The following HDAC4 variants were observed in gnomAD, a reference collection of about 807,000 sequenced individuals.
HDAC4 encodes the protein histone deacetylase 4, also known as histone deacetylase A.
Under a neutral mutation model 135.1 loss-of-function variants are expected in HDAC4, and 16 were observed. That is an observed-to-expected ratio of 0.12 (90% CI 0.08 to 0.18). HDAC4 has a LOEUF of 0.18. Ranked by LOEUF, HDAC4 falls within the 10% of genes least tolerant of loss-of-function variation. The pLI is 1.00. For missense variants in HDAC4, 1,143 were observed against 1,511.8 expected, an observed-to-expected ratio of 0.76 and a Z score of 4.05; for synonymous variants, 685 against 653.4, an observed-to-expected ratio of 1.05 and a Z score of -0.74.
chr2:239,224,098 A>G (rs1251338952), intron 3 of HDAC4, among the ~76,000 whole-genome samples: 1 of 152,130 alleles, frequency 6.6e-6, no homozygotes, highest in Non-Finnish European at 1.5e-5. Context: ...CTCCACCCAC[A>G]TTCCCCATGA....
intron 1 of HDAC4, among the ~76,000 whole-genome samples, chr2:239,360,451 C>G (rs1693787246): frequency 6.6e-6 from 1 of 152,206 alleles, no homozygotes; most frequent in African/African-American, 2.4e-5. Context: ...GGCACCCTGC[C>G]TTCCTGCAGC....
At chr2:239,208,190 G>A (rs1288320250) in intron 3 of HDAC4, among the ~76,000 whole-genome samples, 5 of 151,480 alleles carry the variant, frequency 3.3e-5, no homozygotes, top group Non-Finnish European at 5.9e-5. Flanking sequence ...AGCCGGGTGC[G>A]GTCGTGGGTG....
chr2:239,273,475 C>T (rs1452997425), intron 2 of HDAC4, among the ~76,000 whole-genome samples: 1 of 152,200 alleles, frequency 6.6e-6, no homozygotes, highest in East Asian at 1.9e-4. Flanking sequence ...CACTTCCTCT[C>T]TGCAGAAGTC....
intron 19 of HDAC4, among the ~76,000 whole-genome samples, chr2:239,086,927 G>A (rs768954832): frequency 1.3e-5 from 2 of 152,110 alleles, no homozygotes; most frequent in Non-Finnish European, 2.9e-5. Flanking sequence ...GCTCTTTGAC[G>A]GGATAGATCA....
intron 2 of HDAC4, among the ~76,000 whole-genome samples, chr2:239,244,816 C>T (rs1559277618): frequency 1.3e-5 from 2 of 152,126 alleles, no homozygotes; most frequent in Admixed American, 1.3e-4. Context: ...CACTGTGCGG[C>T]CCACACCCTG....
chr2:239,110,989 C>T (rs143347482), intron 14 of HDAC4, among the ~76,000 whole-genome samples: 137 of 152,340 alleles, frequency 9.0e-4, no homozygotes, highest in Non-Finnish European at 1.6e-3. Context: ...GCTGGCAGAT[C>T]GCCTCCCCGG....
intron 5 of HDAC4, among the ~76,000 whole-genome samples, chr2:239,166,828 AAGG>A (rs1180694181): frequency 6.6e-6 from 1 of 152,234 alleles, no homozygotes; most frequent in African/African-American, 2.4e-5. Flanking sequence ...CGAATTTCAA[AAGG>A]AGAAGGCAAA....
intron 9 of HDAC4, among the ~76,000 whole-genome samples, chr2:239,137,816 G>A (rs758264735): frequency 1.3e-5 from 2 of 152,186 alleles, no homozygotes; most frequent in African/African-American, 4.8e-5. Context: ...AAGGCTGCCC[G>A]TGCCCACTCT....
chr2:239,298,808 A>G (rs1254371315), intron 2 of HDAC4, among the ~76,000 whole-genome samples: 1 of 151,138 alleles, frequency 6.6e-6, no homozygotes, highest in Non-Finnish European at 1.5e-5. Context: ...GATGAACAAC[A>G]TTATTTCCTC....
intron 2 of HDAC4, among the ~76,000 whole-genome samples, chr2:239,332,748 A>T (rs920708431): frequency 7.2e-5 from 11 of 151,984 alleles, no homozygotes; most frequent in East Asian, 5.8e-4. Flanking sequence ...TTATTTTTTT[A>T]AATTCAATTT....
chr2:239,400,719 G>A lies in HDAC4; in HGVS notation c.-220+259C>T, dbSNP rs1696924935. The A allele has an allele frequency of 6.9e-6, 1 of 145,136 alleles. No homozygotes were observed. The highest frequency in any genetic ancestry group is 1.5e-5 in the Non-Finnish European group (1 of 65,258). 9.0% of individuals were successfully genotyped at this position (145,136 alleles called of 1,614,324 possible). On this transcript the variant is annotated intron_variant, in intron 1 of 26. Transcript: ENST00000543185. This position sits in a 1 kb window ranked among gnomAD's most constrained non-coding sequence, Gnocchi z 4.7. ...CGGCGGGCGGCGGCGGCCGGCTCTA[G>A]CCCTGCTCCGGCGCTCCGCGCCGCA...
chr2:239,351,771 G>C (rs1307759092), intron 2 of HDAC4: 1 of 154,452 alleles, frequency 6.5e-6, no homozygotes, highest in Admixed American at 6.5e-5. Context: ...GCAGGACCCA[G>C]AGCCAAGGCT....
chr2:239,223,905 A>G (rs891494587), intron 3 of HDAC4, among the ~76,000 whole-genome samples: 1 of 150,812 alleles, frequency 6.6e-6, no homozygotes, highest in African/African-American at 2.4e-5. Flanking sequence ...TGGACCTTGC[A>G]CGGAGGAGAT....
At chr2:239,362,439 A>C (rs1693924517) in intron 1 of HDAC4, among the ~76,000 whole-genome samples, 1 of 152,244 alleles carries the variant, frequency 6.6e-6, no homozygotes. Flanking sequence ...AAGTCTTAGA[A>C]GCTATAAATC....
chr2:239,352,623 C>T lies in HDAC4; in HGVS notation c.22+55G>A, dbSNP rs1003261902. ...CAAGCTGCAGTCACAAGAACTTCTA[C>T]TTTGGGCAAAGAAAGCCCCGCTGTG... On this transcript the variant is annotated intron_variant, in intron 2 of 26. Coordinates refer to ENST00000543185, the MANE Select transcript of HDAC4 (RefSeq NM_001378414.1). The surrounding 1 kb of genome is among the most constrained non-coding windows in gnomAD (Gnocchi z 4.4). The T allele has an allele frequency of 5.1e-5, 78 of 1,529,022 alleles. No individual in the cohort carries two copies. The highest frequency in any genetic ancestry group is 9.8e-5 in the Admixed American group (5 of 50,976). 94.7% of individuals were successfully genotyped at this position (1,529,022 alleles called of 1,614,324 possible). A position where few individuals can be genotyped will look rare whatever the true frequency, so the allele number is the denominator to read the frequency against.
Position 239,105,824 on chromosome 2 carries a change from G to A in HDAC4, c.2112+2226C>T, listed in dbSNP as rs369894726. On this transcript the variant is annotated intron_variant, in intron 15 of 26. Coordinates refer to ENST00000543185, the MANE Select transcript of HDAC4 (RefSeq NM_001378414.1). The stretch of plus-strand genomic sequence containing the variant: ...CCCCGTACCCATGGCCCCTCTGCTC[G>A]GCCATCTCAGGAGGCCAGTGACCCC... 4.4e-4 allele frequency among the ~76,000 whole-genome samples: 67 copies of A among 152,270 alleles called. 1 individual carries two copies. The South Asian group carries it at 0.014, about 31-fold the overall frequency.
chr2:239,287,154 A>C (rs1442834141), intron 2 of HDAC4, among the ~76,000 whole-genome samples: 1 of 152,216 alleles, frequency 6.6e-6, no homozygotes, highest in African/African-American at 2.4e-5. Flanking sequence ...GTGATCCATC[A>C]GCATGAACTG....
At chr2:239,377,935 G>T (rs558185497) in intron 1 of HDAC4, among the ~76,000 whole-genome samples, 146 of 152,162 alleles carry the variant, frequency 9.6e-4, no homozygotes, top group African/African-American at 3.4e-3. Context: ...CCCACCTCAA[G>T]GACCTCTAAT....
chr2:239,120,328 G>A (rs544821553), intron 12 of HDAC4, among the ~76,000 whole-genome samples: 20 of 152,030 alleles, frequency 1.3e-4, no homozygotes, highest in Non-Finnish European at 2.2e-4. Flanking sequence ...AAGCAGGGAG[G>A]CCACAGAGGC....
Sources: allele counts gnomAD v4.1 joint callset (sites outside exome capture counted in the v4.1 genomes callset), GRCh38; gene constraint gnomAD v4.1.1; non-coding constraint Gnocchi (gnomAD v3.1); transcripts MANE v1.5; gene names NCBI Gene and HGNC (gene_info 2026-07-23, HGNC 2026-07-21).